The following CCDC60 variants were observed in gnomAD, a reference collection of about 807,000 sequenced individuals.
CCDC60 encodes the protein coiled-coil domain-containing protein 60.
Under a neutral mutation model 63.5 loss-of-function variants are expected in CCDC60, and 54 were observed. The ratio of observed to expected loss-of-function variants is 0.85; its 90% CI spans 0.68 to 1.07. The LOEUF (loss-of-function observed/expected upper bound fraction) is 1.07. Ranked by LOEUF, CCDC60 falls within the 50% of genes least tolerant of loss-of-function variation. CCDC60 has a pLI of 0.00. For synonymous variants in CCDC60, 206 were observed against 238.8 expected (o/e 0.86, Z 1.27); for missense variants, 651 against 684.3 (o/e 0.95, Z 0.54).
chr12:119,389,197 C>A (rs181658698), intron 1 of CCDC60, among the ~76,000 whole-genome samples: 20 of 152,326 alleles, frequency 1.3e-4, no homozygotes, highest in Admixed American at 1.3e-3. Flanking sequence ...CACATAAGTA[C>A]CTCAGTTGCC....
intron 2 of CCDC60, among the ~76,000 whole-genome samples, chr12:119,457,716 C>CG (rs144305914): frequency 0.087 from 13,118 of 150,398 alleles, 775 homozygotes; most frequent in East Asian, 0.29. Flanking sequence ...TGGTGGTTGG[C>CG]GGGGGGGAGA....
chr12:119,510,258 G>A (rs1033095424), intron 7 of CCDC60, among the ~76,000 whole-genome samples: 3 of 152,138 alleles, frequency 2.0e-5, no homozygotes, highest in African/African-American at 7.2e-5. Flanking sequence ...GGCTGCCCAG[G>A]TCAGCTCTTG....
At chr12:119,520,878 G>A (rs1246892297) in intron 9 of CCDC60, among the ~76,000 whole-genome samples, 2 of 152,108 alleles carry the variant, frequency 1.3e-5, no homozygotes, top group Non-Finnish European at 2.9e-5. Context: ...CAGTAACTGC[G>A]CTAGGTTTGG....
intron 2 of CCDC60, among the ~76,000 whole-genome samples, chr12:119,455,506 T>G (rs924046075): frequency 1.3e-5 from 2 of 152,158 alleles, no homozygotes; most frequent in African/African-American, 4.8e-5. Flanking sequence ...TACCCAAACC[T>G]TGAAGGACAA....
chr12:119,435,841 C>T (rs754245730), intron 2 of CCDC60, among the ~76,000 whole-genome samples: 18 of 152,178 alleles, frequency 1.2e-4, no homozygotes, highest in Non-Finnish European at 1.9e-4. Flanking sequence ...GATGGGCTCC[C>T]TTGTGCACCT....
At chr12:119,344,091 CAG>C (rs1565963297) in intron 1 of CCDC60, among the ~76,000 whole-genome samples, 1 of 152,130 alleles carries the variant, frequency 6.6e-6, no homozygotes, top group African/African-American at 2.4e-5. Flanking sequence ...TACGTTTCAG[CAG>C]AGTTTCTCAA....
intron 1 of CCDC60, among the ~76,000 whole-genome samples, chr12:119,418,366 CTT>C (rs1956742732): frequency 2.9e-5 from 3 of 101,898 alleles, no homozygotes; most frequent in Non-Finnish European, 4.4e-5. Flanking sequence ...CTTTTTCTTT[CTT>C]TTTCCTTTTC....
chr12:119,440,454 C>T (rs553574839), intron 2 of CCDC60, among the ~76,000 whole-genome samples: 5 of 152,018 alleles, frequency 3.3e-5, no homozygotes, highest in African/African-American at 4.8e-5. Context: ...GGCGTTAACC[C>T]GGGAAGTGGA....
intron 2 of CCDC60, among the ~76,000 whole-genome samples, chr12:119,465,864 G>A (rs1950944950): frequency 1.3e-5 from 2 of 152,062 alleles, no homozygotes; most frequent in Non-Finnish European, 2.9e-5. Context: ...CACTCATACT[G>A]GCATAAACCT....
At chr12:119,337,729 GT>G (rs1458093588) in intron 1 of CCDC60, among the ~76,000 whole-genome samples, 1 of 152,048 alleles carries the variant, frequency 6.6e-6, no homozygotes, top group Non-Finnish European at 1.5e-5. Flanking sequence ...TATAATGCAG[GT>G]TGATTAATGA....
At chr12:119,442,004 C>CA (rs1189339362) in intron 2 of CCDC60, among the ~76,000 whole-genome samples, 1 of 151,954 alleles carries the variant, frequency 6.6e-6, no homozygotes, top group Non-Finnish European at 1.5e-5. Flanking sequence ...TTAAAACGCA[C>CA]AAATAATACA....
intron 3 of CCDC60, among the ~76,000 whole-genome samples, chr12:119,472,767 G>A (rs1043035714): frequency 6.6e-5 from 10 of 151,824 alleles, no homozygotes; most frequent in Non-Finnish European, 1.3e-4. Flanking sequence ...ATTTTTAATA[G>A]AGACGGGGTT....
At chr12:119,362,591 A>T (rs1380627403) in intron 1 of CCDC60, among the ~76,000 whole-genome samples, 1 of 152,200 alleles carries the variant, frequency 6.6e-6, no homozygotes, top group African/African-American at 2.4e-5. Context: ...TGTTGCACGT[A>T]TCAGTAGTTT....
intron 1 of CCDC60, among the ~76,000 whole-genome samples, chr12:119,345,426 C>T (rs751271877): frequency 1.3e-5 from 2 of 152,060 alleles, no homozygotes; most frequent in Admixed American, 6.6e-5. Context: ...CACTTGAACC[C>T]GGGAGGCGGA....
chr12:119,351,093 A>G lies in CCDC60; in HGVS notation c.90+15827A>G, dbSNP rs566179226. ...CATCTTCAGCTCTTGAGCAATCCCA[A>G]TGGTGGCCTCTCCCTCATTCATTTT... On this transcript the variant is annotated intron_variant, in intron 1 of 13. Coordinates refer to ENST00000327554, the MANE Select transcript of CCDC60 (RefSeq NM_178499.5). Among the ~76,000 whole-genome samples the G allele has an allele frequency of 1.0e-3, 158 of 152,274 alleles. 1 individual carries two copies. Among genetic ancestry groups the G allele is most frequent in the African/African-American group, 3.7e-3 (152 of 41,552 alleles).
chr12:119,376,876 G>T (rs1955956380), intron 1 of CCDC60, among the ~76,000 whole-genome samples: 1 of 152,100 alleles, frequency 6.6e-6, no homozygotes, highest in Non-Finnish European at 1.5e-5. Context: ...GGGATTTAGG[G>T]CTAGAGAAAG....
chr12:119,540,752 G>C lies in CCDC60; in HGVS notation c.*37G>C, dbSNP rs758320143. The C allele has an allele frequency of 7.1e-7, 1 of 1,414,566 alleles. No individual in the cohort carries two copies. The highest frequency in any genetic ancestry group is 1.0e-6 in the Non-Finnish European group (1 of 1,002,658). The allele number at this position is 1,414,566 out of a possible 1,614,324, so 87.6% of individuals were successfully genotyped here. A position where few individuals can be genotyped will look rare whatever the true frequency, so the allele number is the denominator to read the frequency against. On this transcript the variant is annotated 3_prime_UTR_variant, in exon 14 of 14. Coordinates refer to ENST00000327554, the MANE Select transcript of CCDC60 (RefSeq NM_178499.5). ...GTTGACCAGCTGTCTCAGTGGAGGA[G>C]TGTTTGCCTATATCATGTTCCTGTA...
At chr12:119,346,227 G>A (rs1409639252) in intron 1 of CCDC60, among the ~76,000 whole-genome samples, 1 of 151,666 alleles carries the variant, frequency 6.6e-6, no homozygotes, top group Non-Finnish European at 1.5e-5. Context: ...CTCCCTTGAT[G>A]GCACTTGAAA....
intron 3 of CCDC60, 56 bp downstream of exon 3, chr12:119,472,220 G>C: frequency 1.3e-6 from 2 of 1,542,954 alleles, no homozygotes; most frequent in Non-Finnish European, 1.8e-6. Flanking sequence ...CATTGAGAGT[G>C]AACCCTGCCT....
Sources: gnomAD v4.1 joint callset for allele counts (sites outside exome capture counted in the v4.1 genomes callset) on GRCh38, gnomAD v4.1.1 for gene constraint, MANE v1.5 for transcripts, NCBI Gene and HGNC (gene_info 2026-07-23, HGNC 2026-07-21) for gene names.